The following WDPCP variants were observed in gnomAD, a reference collection of about 807,000 sequenced individuals.
WDPCP encodes WD repeat containing planar cell polarity effector, also known as WD repeat-containing and planar cell polarity effector protein fritz homolog.
A neutral mutation model predicts 93.1 loss-of-function variants in WDPCP; 71 were observed. The observed-to-expected ratio is 0.76, with a 90% confidence interval of 0.63 to 0.93. The LOEUF (loss-of-function observed/expected upper bound fraction) is 0.93, where lower values mean the gene tolerates loss of function less well. Ranked by LOEUF, WDPCP falls within the 40% of genes least tolerant of loss-of-function variation. The pLI, the probability that WDPCP is intolerant of heterozygous loss-of-function variation, is 0.00. For synonymous variants in WDPCP, 315 were observed against 315.0 expected (o/e 1.00, Z 0.00); for missense variants, 844 against 887.4 (o/e 0.95, Z 0.62).
At chr2:63,837,598 T>C in the WDPCP span, among the ~76,000 whole-genome samples, 1 of 152,238 alleles carries the variant, frequency 6.6e-6, no homozygotes, top group Admixed American at 6.5e-5. Flanking sequence ...TGATGATCTG[T>C]ATACTTATTT....
intron 1 of WDPCP, among the ~76,000 whole-genome samples, chr2:63,566,850 C>T (rs1046740464): frequency 1.3e-5 from 2 of 152,208 alleles, no homozygotes; most frequent in African/African-American, 4.8e-5. Context: ...GTTCCCACGA[C>T]CCCCTCCTCA....
At chr2:63,243,487 T>C (rs891380395) in intron 14 of WDPCP, among the ~76,000 whole-genome samples, 19 of 152,152 alleles carry the variant, frequency 1.2e-4, no homozygotes, top group Non-Finnish European at 2.5e-4. Flanking sequence ...GTTTACTTCA[T>C]TGATAGTTTC....
intron 2 of WDPCP, among the ~76,000 whole-genome samples, chr2:63,730,144 G>A (rs1026530670): frequency 6.6e-6 from 1 of 151,972 alleles, no homozygotes; most frequent in Admixed American, 6.6e-5. Context: ...AGCGACATTT[G>A]TATGCATTAT....
chr2:63,749,038 A>T (rs1295175146), intron 2 of WDPCP, among the ~76,000 whole-genome samples: 1 of 152,106 alleles, frequency 6.6e-6, no homozygotes, highest in Non-Finnish European at 1.5e-5. Context: ...ATTTTCAGCA[A>T]CTATTTTTAC....
At chr2:63,689,360 G>A (rs556233185) in intron 2 of WDPCP, among the ~76,000 whole-genome samples, 1 of 152,284 alleles carries the variant, frequency 6.6e-6, no homozygotes, top group South Asian at 2.1e-4. Flanking sequence ...AAGAAACTAA[G>A]CATCAGACTC....
intron 1 of WDPCP, among the ~76,000 whole-genome samples, chr2:63,511,126 T>A (rs998213159): frequency 1.3e-5 from 2 of 152,186 alleles, no homozygotes; most frequent in African/African-American, 4.8e-5. Context: ...AGCCAAATCA[T>A]GAGCAAACCC....
intron 1 of WDPCP, among the ~76,000 whole-genome samples, chr2:63,494,835 G>A (rs1295524128): frequency 6.6e-6 from 1 of 151,666 alleles, no homozygotes; most frequent in Non-Finnish European, 1.5e-5. Context: ...CAGGAGAATG[G>A]CGTGAACGCG....
intron 1 of WDPCP, among the ~76,000 whole-genome samples, chr2:63,526,920 T>C (rs1165836296): frequency 6.6e-6 from 1 of 152,180 alleles, no homozygotes; most frequent in South Asian, 2.1e-4. Flanking sequence ...TATTCCCCAA[T>C]GTATCAAAGT....
At chr2:63,816,587 A>C (rs886447824) in intron 1 of WDPCP, among the ~76,000 whole-genome samples, 16 of 152,306 alleles carry the variant, frequency 1.1e-4, no homozygotes, top group Middle Eastern at 3.4e-3. Flanking sequence ...GAAGAAAGGA[A>C]GGATTATCCC....
chr2:63,536,212 A>G (rs1704264638), intron 1 of WDPCP, among the ~76,000 whole-genome samples: 1 of 152,216 alleles, frequency 6.6e-6, no homozygotes, highest in South Asian at 2.1e-4. Flanking sequence ...GTCAGGAAAC[A>G]ACAGGTCTTG....
chr2:63,798,052 A>T (rs1180188171), intron 2 of WDPCP, among the ~76,000 whole-genome samples: 2 of 152,218 alleles, frequency 1.3e-5, no homozygotes, highest in East Asian at 3.8e-4. Flanking sequence ...AAGGAAAAAA[A>T]CTTTTACCCT....
At chr2:63,483,959 T>C (rs1700413746) in intron 6 of WDPCP, among the ~76,000 whole-genome samples, 1 of 151,974 alleles carries the variant, frequency 6.6e-6, no homozygotes, top group Non-Finnish European at 1.5e-5. Context: ...CTTAACACTA[T>C]TGTCCAATAG....
At chr2:63,681,598 C>A (rs1290617170) in intron 2 of WDPCP, among the ~76,000 whole-genome samples, 1 of 152,116 alleles carries the variant, frequency 6.6e-6, no homozygotes, top group African/African-American at 2.4e-5. Context: ...TATGGATTTC[C>A]CTGGGGCAAC....
chr2:63,620,176 G>T (rs115230919), intron 3 of WDPCP, among the ~76,000 whole-genome samples: 1 of 152,056 alleles, frequency 6.6e-6, no homozygotes, highest in Non-Finnish European at 1.5e-5. Context: ...TGACAGAAGC[G>T]TTCACCCCCC....
In WDPCP at chr2:63,547,882, GA is replaced by G. The variant is rs1036254019; in HGVS notation, c.75+40314del. ...ATGGTGTTTCACAGATCAGTAGAAT[GA>G]CTATACTTAACAGTAATCTATTACA... is the stretch of plus-strand genomic sequence containing the variant. On this transcript the variant is annotated intron_variant, in intron 1 of 17. Transcript: ENST00000272321. Among the ~76,000 whole-genome samples, 49 of 151,992 alleles carry G rather than the reference GA, an allele frequency of 3.2e-4. 1 individual carries two copies. Among genetic ancestry groups the G allele is most frequent in the Admixed American group, 2.4e-3 (37 of 15,222 alleles).
At chr2:63,511,053 C>A (rs949368024) in intron 1 of WDPCP, among the ~76,000 whole-genome samples, 2 of 152,170 alleles carry the variant, frequency 1.3e-5, no homozygotes, top group South Asian at 2.1e-4. Context: ...TCAGCAAAGT[C>A]TCAGGATACA....
intron 3 of WDPCP, among the ~76,000 whole-genome samples, chr2:63,602,934 C>CTTTTTTTTTTTTTTTTTTTTTTTTT (rs370479356): frequency 1.5e-5 from 2 of 131,536 alleles, no homozygotes; most frequent in African/African-American, 2.7e-5. Context: ...TTTAACCGTT[C>CTTTTTTTTTTTTTTTTTTTTTTTTT]TTTTTTTTTT....
intron 1 of WDPCP, among the ~76,000 whole-genome samples, chr2:63,826,086 T>G (rs1469030286): frequency 6.6e-6 from 1 of 152,144 alleles, no homozygotes; most frequent in South Asian, 2.1e-4. Context: ...TCTTGCTCAA[T>G]TCAATGCCAT....
At chr2:63,476,221 C>A (rs1380797474) in intron 6 of WDPCP, among the ~76,000 whole-genome samples, 2 of 152,178 alleles carry the variant, frequency 1.3e-5, no homozygotes, top group South Asian at 4.2e-4. Flanking sequence ...AAAGTGTTTA[C>A]AGTGTTACAG....
Sources: gnomAD v4.1 joint callset for allele counts (sites outside exome capture counted in the v4.1 genomes callset) on GRCh38, gnomAD v4.1.1 for gene constraint, MANE v1.5 for transcripts, NCBI Gene and HGNC (gene_info 2026-07-23, HGNC 2026-07-21) for gene names.